SLC29A2: variants seen among roughly 807,000 people sequenced by gnomAD.
The protein encoded by SLC29A2 is solute carrier family 29 member 2, also known as equilibrative nucleoside transporter 2.
A neutral mutation model predicts 48.8 loss-of-function variants in SLC29A2; 37 were observed. The ratio of observed to expected loss-of-function variants is 0.76; its 90% CI spans 0.58 to 1.00. The LOEUF is 1.00. SLC29A2 is among the 50% of genes least tolerant of loss of function. The pLI is 0.00. For synonymous variants in SLC29A2, 233 were observed against 261.7 expected (o/e 0.89, Z 1.06); for missense variants, 533 against 578.6 (o/e 0.92, Z 0.81).
chr11:66,369,062 TTGA>T lies in SLC29A2; in HGVS notation c.410_412del (p.Ile137del). On this transcript the variant is annotated inframe_deletion, in exon 4 of 12. Transcript: ENST00000357440. Reference sequence around the variant, plus strand: ...GGAGAGGGGGTGGAGGTGCTCACAGTTGATGAAGCAGACGGAGGCCATGGTGAT... The same window carrying T: ...GGAGAGGGGGTGGAGGTGCTCACAGTTGAAGCAGACGGAGGCCATGGTGAT... The T allele has an allele frequency of 6.3e-7, 1 of 1,599,778 alleles. No individual in the cohort carries two copies. Among genetic ancestry groups the T allele is most frequent in the Non-Finnish European group, 8.5e-7 (1 of 1,173,464 alleles).
chr11:66,366,750 G>C (rs1478280435), intron 7 of SLC29A2, among the ~76,000 whole-genome samples, 186 bp from the exon 8 acceptor site: 2 of 152,152 alleles, frequency 1.3e-5, no homozygotes, highest in Non-Finnish European at 2.9e-5. Flanking sequence ...AGGAGTTCGA[G>C]ACCAGCCTGG....
At position 66,363,476 on chromosome 11, in the gene SLC29A2, C is replaced by A; in HGVS notation, c.1331G>T (p.Cys444Phe). Residue 444 changes from cysteine (C) to phenylalanine (F), a missense_variant, in exon 12 of 12, where the codon TGT becomes TTT. By Grantham distance (205) the Cys-to-Phe change is radical. Coordinates refer to ENST00000357440, the MANE Select transcript of SLC29A2 (RefSeq NM_001532.3). Reference protein sequence around the residue: ...MTFFLALGLSCGASLSFLFKA... With the variant: ...MTFFLALGLSFGASLSFLFKA... ...GAAGAGGAAGGAGAGGGAGGCTCCA[C>A]AGGAAAGTCCCAGGGCCAGGAAGAA... 1 of 1,614,178 alleles carries A rather than the reference C, an allele frequency of 6.2e-7. No individual in the cohort carries two copies. Among genetic ancestry groups the A allele is most frequent in the South Asian group, 1.1e-5 (1 of 91,076 alleles).
At chr11:66,368,954 C>A (rs1013784935) in intron 4 of SLC29A2, 106 bp downstream of exon 4, 2 of 1,414,268 alleles carry the variant, frequency 1.4e-6, no homozygotes, top group African/African-American at 1.4e-5. Context: ...GGGATATGAG[C>A]GACCATGATG....
Position 66,366,479 on chromosome 11 carries a change from A to G in SLC29A2, c.819T>C (p.Asp273=), listed in dbSNP as rs775762265. Residue 273 remains aspartate (D), a synonymous_variant, in exon 8 of 12, where the codon GAT becomes GAC. Coordinates refer to ENST00000357440, the MANE Select transcript of SLC29A2 (RefSeq NM_001532.3). ...DLEKEPESEP[D]EPQKPGKPSV... is the part of the protein sequence containing the mutation. ...AAGGTTTTCCTGGCTTCTGGGGCTC[A>G]TCTGGCTCTGATTCCGGCTCCTTCT... 1 of 1,614,144 alleles carries G rather than the reference A, an allele frequency of 6.2e-7. No individual in the cohort carries two copies. Among genetic ancestry groups the G allele is most frequent in the East Asian group, 2.2e-5 (1 of 44,882 alleles).
intron 11 of SLC29A2, chr11:66,363,786 C>G (rs1216119331): frequency 1.8e-6 from 1 of 563,342 alleles, no homozygotes; most frequent in Non-Finnish European, 3.2e-6. Flanking sequence ...GCCCTTTCCA[C>G]AGTGCTCTCA....
At chr11:66,371,870 C>T (rs932064637), upstream of SLC29A2, 1 of 530,052 alleles carries the variant, frequency 1.9e-6, no homozygotes, top group Admixed American at 3.5e-5. Context: ...GGCTCGGGCC[C>T]CGCCCCACCT....
intron 10 of SLC29A2, among the ~76,000 whole-genome samples, chr11:66,365,151 C>T (rs977601852): frequency 6.6e-5 from 10 of 151,636 alleles, no homozygotes; most frequent in Middle Eastern, 3.4e-3. Flanking sequence ...GTGATCCACC[C>T]GCCTCGGCCT....
chr11:66,365,899 C>T lies in SLC29A2; in HGVS notation c.1059+37G>A, dbSNP rs781657203. ...CAAGCCCTCGGATCCCAAACTGCTT[C>T]CTAAAACATCGGATCACCCAGCCCT... On this transcript the variant is annotated intron_variant, in intron 10 of 11. Coordinates refer to ENST00000357440, the MANE Select transcript of SLC29A2 (RefSeq NM_001532.3). 1.9e-6 allele frequency: 3 copies of T among 1,592,776 alleles called. No homozygotes were observed. In the South Asian group the frequency reaches 3.3e-5, roughly 18 times the overall value.
chr11:66,368,753 A>C, intron 4 of SLC29A2, 82 bp from the exon 5 acceptor site: 1 of 1,536,892 alleles, frequency 6.5e-7, no homozygotes, highest in Admixed American at 2.0e-5. Context: ...CAGGATACAC[A>C]GGGGACTCTG....
intron 3 of SLC29A2, 76 bp downstream of exon 3, chr11:66,369,293 G>T (rs1246279636): frequency 6.2e-7 from 1 of 1,603,414 alleles, no homozygotes; most frequent in African/African-American, 1.3e-5. Flanking sequence ...GTAGGGCTGG[G>T]GGGCAGGGGG....
At chr11:66,367,971 C>A in intron 5 of SLC29A2, 102 bp from the exon 6 acceptor site, 8 of 857,356 alleles carry the variant, frequency 9.3e-6, no homozygotes, top group Non-Finnish European at 1.6e-5. Context: ...TTCTCAGACC[C>A]ACTCCCAGCC....
intron 11 of SLC29A2, 32 bp from the exon 12 acceptor site, chr11:66,363,579 A>G (rs866337162): frequency 6.5e-7 from 1 of 1,539,230 alleles, no homozygotes; most frequent in African/African-American, 1.4e-5. Context: ...GCTCTTAGAA[A>G]ATGCTGGGTC....
At chr11:66,371,399 C>T in intron 1 of SLC29A2, 74 bp from the exon 2 acceptor site, 1 of 1,559,934 alleles carries the variant, frequency 6.4e-7, no homozygotes, top group Non-Finnish European at 8.8e-7. Context: ...CCAGGCCACC[C>T]CCTCCGGAGC....
upstream of SLC29A2, chr11:66,371,980 G>A (rs1856078178): frequency 3.3e-6 from 1 of 305,782 alleles, no homozygotes; most frequent in Non-Finnish European, 6.2e-6. Context: ...CGGAGGGGAA[G>A]GCGGGGGTAG....
intron 10 of SLC29A2, among the ~76,000 whole-genome samples, chr11:66,365,440 G>A (rs548196302): frequency 2.0e-4 from 30 of 152,314 alleles, no homozygotes; most frequent in Middle Eastern, 3.4e-3. Context: ...TTACGTACTC[G>A]GTTCCTCAGA....
In SLC29A2 at chr11:66,363,399, T is replaced by G. The variant is rs753174515; in HGVS notation, c.*37A>C. The G allele has an allele frequency of 7.3e-6, 11 of 1,509,960 alleles. No individual in the cohort carries two copies. Among genetic ancestry groups the G allele is most frequent in the Non-Finnish European group, 1.0e-5 (11 of 1,086,662 alleles). 93.5% of individuals were successfully genotyped at this position (1,509,960 alleles called of 1,614,324 possible). On this transcript the variant is annotated 3_prime_UTR_variant, in exon 12 of 12. Coordinates refer to ENST00000357440, the MANE Select transcript of SLC29A2 (RefSeq NM_001532.3). Reference sequence around the variant, plus strand: ...TGGATCTCAGCTCCGGAAGGAGACGTCGAGAAGAGGCTGCCAAAGAGCCTG... The same window carrying G: ...TGGATCTCAGCTCCGGAAGGAGACGGCGAGAAGAGGCTGCCAAAGAGCCTG...
In SLC29A2 at chr11:66,366,573, AG is replaced by A. The variant is rs767665098; in HGVS notation, c.734-10del. On this transcript the variant is annotated splice_polypyrimidine_tract_variant and intron_variant, in intron 7 of 11. Transcript: ENST00000357440. ...GGGAATCCCGTTCTCATCTGGGGTG[AG>A]GGGGGACGGGGAAGGGTCATGCTTG... is the stretch of plus-strand genomic sequence containing the variant. 1.2e-6 allele frequency: 2 copies of A among 1,612,944 alleles called. No individual in the cohort carries two copies. The highest frequency in any genetic ancestry group is 8.5e-7 in the Non-Finnish European group (1 of 1,179,860).
intron 5 of SLC29A2, 151 bp downstream of exon 5, chr11:66,368,386 C>T: frequency 9.7e-7 from 1 of 1,028,202 alleles, no homozygotes; most frequent in Non-Finnish European, 1.5e-6. Context: ...CCATGAGCCC[C>T]ACTCCCTAGC....
Position 66,365,867 on chromosome 11 carries a change from G to GCTCT in SLC29A2, c.1059+65_1059+68dup, listed in dbSNP as rs1236963118. On this transcript the variant is annotated intron_variant, in intron 10 of 11. Coordinates refer to ENST00000357440, the MANE Select transcript of SLC29A2 (RefSeq NM_001532.3). The stretch of plus-strand genomic sequence containing the variant: ...TGGACTACCAGAAAATCACCTCCAT[G>GCTCT]CTCTTTCAAGCCCTCGGATCCCAAA... 5.6e-6 allele frequency: 8 copies of GCTCT among 1,430,566 alleles called. No individual in the cohort carries two copies. In the East Asian group the frequency reaches 1.8e-4, roughly 33 times the overall value. 88.6% of individuals were successfully genotyped at this position (1,430,566 alleles called of 1,614,324 possible).
Sources: allele counts gnomAD v4.1 joint callset (sites outside exome capture counted in the v4.1 genomes callset), GRCh38; gene constraint gnomAD v4.1.1; transcripts MANE v1.5; gene names NCBI Gene and HGNC (gene_info 2026-07-23, HGNC 2026-07-21).